The following MDGA2 variants were observed in gnomAD, a reference collection of about 807,000 sequenced individuals.
MDGA2 encodes the protein MAM domain containing glycosylphosphatidylinositol anchor 2, also known as MAM domain-containing glycosylphosphatidylinositol anchor protein 2.
In MDGA2, 40 loss-of-function variants were observed where a neutral mutation model predicts 117.8. The ratio of observed to expected loss-of-function variants is 0.34; its 90% CI spans 0.26 to 0.44. MDGA2 has a LOEUF of 0.44. Among genes scored for constraint, MDGA2 ranks in the 20% least tolerant of loss-of-function variants. The pLI is 1.00. For missense variants in MDGA2, 1,123 were observed against 1,250.6 expected, an observed-to-expected ratio of 0.90 and a Z score of 1.54; for synonymous variants, 452 against 439.0, an observed-to-expected ratio of 1.03 and a Z score of -0.37.
At chr14:47,427,649 G>A (rs1041510760) in intron 1 of MDGA2, among the ~76,000 whole-genome samples, 1 of 152,110 alleles carries the variant, frequency 6.6e-6, no homozygotes, top group African/African-American at 2.4e-5. Flanking sequence ...GTGGGAGACA[G>A]AGACAGGGTC....
chr14:47,423,677 T>A (rs1356476261), intron 1 of MDGA2, among the ~76,000 whole-genome samples: 4 of 152,186 alleles, frequency 2.6e-5, no homozygotes, highest in Admixed American at 2.6e-4. Context: ...TTTTTAAGAA[T>A]CATGTGATAG....
At chr14:46,980,795 T>A (rs1297874847) in intron 8 of MDGA2, among the ~76,000 whole-genome samples, 1 of 152,194 alleles carries the variant, frequency 6.6e-6, no homozygotes, top group Non-Finnish European at 1.5e-5. Context: ...AATAAAGTAT[T>A]TTTAGTTCAG....
intron 2 of MDGA2, among the ~76,000 whole-genome samples, chr14:47,255,238 T>A (rs927319947): frequency 1.3e-5 from 2 of 152,172 alleles, no homozygotes; most frequent in Non-Finnish European, 2.9e-5. Flanking sequence ...ATATACCAAA[T>A]TTTAGGCAAA....
intron 3 of MDGA2, among the ~76,000 whole-genome samples, chr14:47,216,463 G>A (rs1594729932): frequency 6.6e-6 from 1 of 152,178 alleles, no homozygotes; most frequent in South Asian, 2.1e-4. Context: ...TCAAAGTCTG[G>A]TAAATAAAGA....
intron 1 of MDGA2, among the ~76,000 whole-genome samples, chr14:47,515,966 G>A (rs1256001488): frequency 3.3e-5 from 5 of 152,122 alleles, no homozygotes; most frequent in Non-Finnish European, 7.3e-5. Context: ...AAGACTGCCT[G>A]CATTCCACTG....
chr14:46,893,369 G>C (rs1000765815), intron 10 of MDGA2, among the ~76,000 whole-genome samples: 1 of 151,914 alleles, frequency 6.6e-6, no homozygotes, highest in Admixed American at 6.6e-5. Flanking sequence ...GAGGAAAATG[G>C]AGAGATGGAG....
intron 2 of MDGA2, among the ~76,000 whole-genome samples, chr14:47,264,270 A>G (rs1322161873): frequency 6.6e-6 from 1 of 152,196 alleles, no homozygotes; most frequent in Non-Finnish European, 1.5e-5. Context: ...GGAACATGTC[A>G]TTATAGACAT....
intron 3 of MDGA2, among the ~76,000 whole-genome samples, chr14:47,148,076 T>C (rs1487552543): frequency 6.6e-6 from 1 of 152,170 alleles, no homozygotes; most frequent in African/African-American, 2.4e-5. Context: ...ACAACAGTCC[T>C]ACCAACAGCC....
chr14:47,588,249 TATATATATATATACAC>T (rs1896367176), intron 1 of MDGA2, among the ~76,000 whole-genome samples: 1 of 127,084 alleles, frequency 7.9e-6, no homozygotes, highest in East Asian at 2.1e-4. Context: ...TATATATATA[TATATATATATATACAC>T]ACACACACAC....
chr14:47,023,181 G>C (rs182497189), intron 8 of MDGA2, among the ~76,000 whole-genome samples: 1 of 121,208 alleles, frequency 8.3e-6, no homozygotes, highest in African/African-American at 3.2e-5. Flanking sequence ...AATTGCAACC[G>C]AAAGTATTCC....
At position 47,585,738 on chromosome 14, in the gene MDGA2, T is replaced by C. The variant is rs138769024; in HGVS notation, c.280+88779A>G. On this transcript the variant is annotated intron_variant, in intron 1 of 16. Transcript: ENST00000399232. ...CTACCCATCTCCCTCTCTCTACCTA[T>C]TCCCCTTTCATCCTTCCCTTATACA... Among the ~76,000 whole-genome samples, 201 of 152,010 alleles carry C rather than the reference T, an allele frequency of 1.3e-3. 3 individuals are homozygous for C. Among genetic ancestry groups the C allele is most frequent in the Middle Eastern group, 3.4e-3 (1 of 294 alleles).
Position 47,619,156 on chromosome 14 carries a change from CATT to C in MDGA2, c.280+55358_280+55360del, listed in dbSNP as rs1337038250. Among the ~76,000 whole-genome samples the C allele has an allele frequency of 3.3e-3, 466 of 141,964 alleles. 3 individuals carry two copies. The highest frequency in any genetic ancestry group is 0.013 in the African/African-American group (443 of 34,782). The allele number at this position is 141,964 out of a possible 152,430, so 93.1% of individuals were successfully genotyped here. ...ACACACACACACACACACACAGATA[CATT>C]ATCTACAAAACTGCTAATATGATTG... On this transcript the variant is annotated intron_variant, in intron 1 of 16. Transcript: ENST00000399232.
intron 1 of MDGA2, among the ~76,000 whole-genome samples, chr14:47,535,241 T>C (rs944128616): frequency 1.3e-5 from 2 of 152,208 alleles, no homozygotes; most frequent in African/African-American, 4.8e-5. Flanking sequence ...CTTTTGATGG[T>C]TCTAAGAGCA....
At chr14:47,415,428 A>G (rs898489543) in intron 1 of MDGA2, among the ~76,000 whole-genome samples, 3 of 152,140 alleles carry the variant, frequency 2.0e-5, no homozygotes, top group Non-Finnish European at 4.4e-5. Context: ...TCAGAAACCC[A>G]TGGCAGAGTA....
At chr14:47,297,984 G>T (rs1889135988) in intron 2 of MDGA2, among the ~76,000 whole-genome samples, 1 of 152,038 alleles carries the variant, frequency 6.6e-6, no homozygotes, top group Non-Finnish European at 1.5e-5. Flanking sequence ...AGTTGTATTT[G>T]TATGTGTGTG....
rs550746207 is a variant in MDGA2 at position 47,264,140 on chromosome 14, A to G, written c.420+37271T>C. Among the ~76,000 whole-genome samples, 3 of 152,302 alleles carry G rather than the reference A, an allele frequency of 2.0e-5. No homozygotes were observed. In the East Asian group the frequency reaches 5.8e-4, roughly 29 times the overall value. On this transcript the variant is annotated intron_variant, in intron 2 of 16. Transcript: ENST00000399232. ...TGTTTTCAAGAAGCAGGGAGGCATT[A>G]GTTTTGAAATCTGTCCTATATTTGT...
At chr14:47,131,916 A>G (rs1457820775) in intron 4 of MDGA2, 70 bp from the exon 5 acceptor site, 10 of 1,204,582 alleles carry the variant, frequency 8.3e-6, no homozygotes, top group Non-Finnish European at 1.1e-5. Flanking sequence ...GAAACATCAC[A>G]TCACATTACA....
intron 1 of MDGA2, among the ~76,000 whole-genome samples, chr14:47,671,160 T>C (rs1233337097): frequency 6.6e-6 from 1 of 152,168 alleles, no homozygotes; most frequent in African/African-American, 2.4e-5. Flanking sequence ...TAAGAGATAA[T>C]CTCCCTCATC....
chr14:47,168,244 T>C (rs1030138820), intron 3 of MDGA2, among the ~76,000 whole-genome samples: 1 of 140,844 alleles, frequency 7.1e-6, no homozygotes, highest in Non-Finnish European at 1.5e-5. Flanking sequence ...TGCTTCTCTC[T>C]CTCTCTCTTT....
Sources: allele counts gnomAD v4.1 joint callset (sites outside exome capture counted in the v4.1 genomes callset), GRCh38; gene constraint gnomAD v4.1.1; transcripts MANE v1.5; gene names NCBI Gene and HGNC (gene_info 2026-07-23, HGNC 2026-07-21).